RYR2: variants seen among roughly 807,000 people sequenced by gnomAD.
The protein encoded by RYR2 is ryanodine receptor 2, also known as cardiac muscle ryanodine receptor-calcium release channel.
A neutral mutation model predicts 601.1 loss-of-function variants in RYR2; 227 were observed. The observed-to-expected ratio is 0.38, with a 90% CI of 0.34 to 0.42. The LOEUF is 0.42. Ranked by LOEUF, RYR2 falls within the 10% of genes least tolerant of loss-of-function variation. RYR2 has a pLI of 1.00. For missense variants in RYR2, 4,646 were observed against 6,156.5 expected, an observed-to-expected ratio of 0.75 and a Z score of 8.21; for synonymous variants, 2,223 against 2,175.1, an observed-to-expected ratio of 1.02 and a Z score of -0.61.
At chr1:237,546,851 T>C (rs576312003) in intron 25 of RYR2, among the ~76,000 whole-genome samples, 17 of 151,612 alleles carry the variant, frequency 1.1e-4, no homozygotes, top group Non-Finnish European at 1.6e-4. Context: ...TTCTAGGTGC[T>C]GGGGGGTCAC....
intron 1 of RYR2, among the ~76,000 whole-genome samples, chr1:237,159,396 A>G (rs1004644529): frequency 6.6e-6 from 1 of 152,200 alleles, no homozygotes; most frequent in Non-Finnish European, 1.5e-5. Context: ...GCGTTTATCT[A>G]AGGAAGAAGA....
chr1:237,681,585 A>G (rs1573496828), intron 62 of RYR2, among the ~76,000 whole-genome samples: 2 of 152,212 alleles, frequency 1.3e-5, no homozygotes, highest in Admixed American at 1.3e-4. Context: ...TAATTTTCCT[A>G]TAAAATTGAT....
chr1:237,172,116 G>T (rs1213144428), intron 1 of RYR2, among the ~76,000 whole-genome samples: 2 of 152,214 alleles, frequency 1.3e-5, no homozygotes, highest in Admixed American at 1.3e-4. Flanking sequence ...GCACTATCGG[G>T]ATGTAATTAA....
intron 2 of RYR2, among the ~76,000 whole-genome samples, chr1:237,283,524 C>T (rs891052048): frequency 1.3e-5 from 2 of 152,126 alleles, no homozygotes; most frequent in Non-Finnish European, 2.9e-5. Context: ...AGTAGAGCCT[C>T]AATAAATGTG....
chr1:237,591,866 A>G lies in RYR2; in HGVS notation c.4275+13A>G. On this transcript the variant is annotated intron_variant, in intron 32 of 104. Coordinates refer to ENST00000366574, the MANE Select transcript of RYR2 (RefSeq NM_001035.3). ...GCAAACGTCCACGGTATGAGGTTGC[A>G]GCTTTTGTCGTTTATTTCTATCTGT... 1 of 1,596,964 alleles carries G rather than the reference A, an allele frequency of 6.3e-7. No homozygotes were observed. The highest frequency in any genetic ancestry group is 8.6e-7 in the Non-Finnish European group (1 of 1,168,236).
intron 1 of RYR2, among the ~76,000 whole-genome samples, chr1:237,053,774 G>A (rs1025418026): frequency 1.3e-5 from 2 of 152,118 alleles, no homozygotes; most frequent in African/African-American, 4.8e-5. Context: ...ATAACAATCA[G>A]AAAACCGTCA....
intron 87 of RYR2, among the ~76,000 whole-genome samples, chr1:237,775,760 C>T (rs537437062): frequency 6.6e-6 from 1 of 152,234 alleles, no homozygotes; most frequent in East Asian, 1.9e-4. Context: ...TTGATCTGTC[C>T]TTGGCACAGG....
chr1:237,302,977 T>C (rs1693509958), intron 2 of RYR2, among the ~76,000 whole-genome samples: 1 of 152,202 alleles, frequency 6.6e-6, no homozygotes, highest in South Asian at 2.1e-4. Flanking sequence ...CATTCTTACA[T>C]CTGCACTGGG....
intron 96 of RYR2, among the ~76,000 whole-genome samples, chr1:237,796,279 T>A (rs1345557409): frequency 6.6e-6 from 1 of 152,086 alleles, no homozygotes; most frequent in African/African-American, 2.4e-5. Context: ...AAGCAAGAGT[T>A]TCTTGCTTTA....
chr1:237,747,610 C>T (rs1692192632), intron 80 of RYR2, among the ~76,000 whole-genome samples: 1 of 152,144 alleles, frequency 6.6e-6, no homozygotes, highest in Non-Finnish European at 1.5e-5. Flanking sequence ...CAATAGAATA[C>T]AATGTTTTGG....
At chr1:237,452,480 A>C (rs1006640732) in intron 14 of RYR2, among the ~76,000 whole-genome samples, 3 of 143,756 alleles carry the variant, frequency 2.1e-5, no homozygotes, top group Non-Finnish European at 4.6e-5. Flanking sequence ...AGTATATACT[A>C]ATATATACTA....
intron 1 of RYR2, among the ~76,000 whole-genome samples, chr1:237,134,188 T>C (rs909963871): frequency 3.9e-5 from 6 of 152,192 alleles, no homozygotes; most frequent in Non-Finnish European, 5.9e-5. Context: ...GAATCCACAC[T>C]GGTAAGCCTC....
intron 38 of RYR2, among the ~76,000 whole-genome samples, chr1:237,622,914 A>T (rs1679223021): frequency 6.6e-6 from 1 of 152,184 alleles, no homozygotes; most frequent in Admixed American, 6.5e-5. Context: ...TGAAAAAGAA[A>T]TCCTAGATCT....
intron 48 of RYR2, 59 bp downstream of exon 48, chr1:237,643,506 A>C: frequency 6.2e-7 from 1 of 1,607,774 alleles, no homozygotes; most frequent in Non-Finnish European, 8.5e-7. Context: ...TCATGTTCTA[A>C]AGAATGTTTT....
chr1:237,655,923 GA>G lies in RYR2; in HGVS notation c.8073del (p.Lys2691AsnfsTer66). The G allele has an allele frequency of 6.2e-7, 1 of 1,613,128 alleles. No homozygotes were observed. Among genetic ancestry groups the G allele is most frequent in the Non-Finnish European group, 8.5e-7 (1 of 1,179,516 alleles). On this transcript the variant is annotated frameshift_variant, in exon 53 of 105. Coordinates refer to ENST00000366574, the MANE Select transcript of RYR2 (RefSeq NM_001035.3). LOFTEE classifies it high-confidence loss of function. Reference protein sequence around the residue: ...YMESNYVSMMEKQSSMDSEGN... With the variant: ...YMESNYVSMMXKQSSMDSEGN... The stretch of plus-strand genomic sequence containing the variant: ...GGAGTCAAATTATGTCAGTATGATG[GA>G]AAAACAGTCATCAATGGATTCTGAA...
intron 46 of RYR2, among the ~76,000 whole-genome samples, chr1:237,640,126 G>A (rs956838782): frequency 3.9e-5 from 6 of 152,156 alleles, no homozygotes; most frequent in Admixed American, 3.9e-4. Flanking sequence ...TCTGGCCCAG[G>A]ACCACACTAG....
chr1:237,771,004 C>T (rs1573883274), intron 85 of RYR2, 117 bp downstream of exon 85: 1 of 548,964 alleles, frequency 1.8e-6, no homozygotes, highest in East Asian at 3.2e-5. Context: ...ACAAATCATT[C>T]TAGAGCATGA....
At position 237,387,431 on chromosome 1, in the gene RYR2, G is replaced by A. The variant is rs74147255; in HGVS notation, c.676+51G>A. On this transcript the variant is annotated intron_variant, in intron 9 of 104. Coordinates refer to ENST00000366574, the MANE Select transcript of RYR2 (RefSeq NM_001035.3). ...GCCTGTCCTTGCTGCAAAGTTGACA[G>A]TCATCTTTGGAATTGTGATAATGAG... is the stretch of plus-strand genomic sequence containing the variant. The A allele has an allele frequency of 3.2e-3, 4,816 of 1,517,800 alleles. 137 individuals are homozygous for A. The African/African-American group carries it at 0.059, about 18-fold the overall frequency. The allele number at this position is 1,517,800 out of a possible 1,614,324, so 94.0% of individuals were successfully genotyped here.
In RYR2 at chr1:237,098,211, T is replaced by C. The variant is rs1340091651; in HGVS notation, c.48+55642T>C. Among the ~76,000 whole-genome samples, 5 of 152,196 alleles carry C rather than the reference T, an allele frequency of 3.3e-5. No homozygotes were observed. The East Asian group carries it at 7.7e-4, about 23-fold the overall frequency. On this transcript the variant is annotated intron_variant, in intron 1 of 104. Transcript: ENST00000366574. ...AAACGGGCCAGTGATTCAGTCGATATTGATTGATTGGTTGATTGATTTTAA... is the reference window on the plus strand; with the variant it reads ...AAACGGGCCAGTGATTCAGTCGATACTGATTGATTGGTTGATTGATTTTAA...
Sources: gnomAD v4.1 joint callset for allele counts (sites outside exome capture counted in the v4.1 genomes callset) on GRCh38, gnomAD v4.1.1 for gene constraint, MANE v1.5 for transcripts, NCBI Gene and HGNC (gene_info 2026-07-23, HGNC 2026-07-21) for gene names.